The following MIGA1 variants were observed in gnomAD, a reference collection of about 807,000 sequenced individuals.
MIGA1 encodes the protein family with sequence similarity 73, member A.
A neutral mutation model predicts 82.0 loss-of-function variants in MIGA1; 58 were observed. The observed-to-expected ratio is 0.71, with a 90% confidence interval of 0.57 to 0.88. The LOEUF (loss-of-function observed/expected upper bound fraction) is 0.88. Among genes scored for constraint, MIGA1 ranks in the 40% least tolerant of loss-of-function variants. The probability of loss-of-function intolerance (pLI) is 0.00; values close to 1 mark genes in which losing one functional copy is unlikely to be tolerated. For missense variants in MIGA1, 751 were observed against 749.1 expected (o/e 1.00, Z -0.03); for synonymous variants, 249 against 253.6 (o/e 0.98, Z 0.17).
chr1:77,802,363 A>G (rs74090701), intron 3 of MIGA1, among the ~76,000 whole-genome samples: 6,017 of 152,276 alleles, frequency 0.04, 269 homozygotes, highest in African/African-American at 0.11. Flanking sequence ...TAGTCTTGTT[A>G]TTGTTTCTAT....
At chr1:77,816,071 G>A (rs1476327379) in intron 7 of MIGA1, among the ~76,000 whole-genome samples, 4 of 152,154 alleles carry the variant, frequency 2.6e-5, no homozygotes, top group Non-Finnish European at 5.9e-5. Context: ...AGCTTCCTGA[G>A]TAGCTGGGAT....
At chr1:77,839,088 T>A (rs918516352) in intron 7 of MIGA1, among the ~76,000 whole-genome samples, 1 of 152,176 alleles carries the variant, frequency 6.6e-6, no homozygotes. Context: ...CACCCACGGG[T>A]AGAATTGCTA....
intron 2 of MIGA1, among the ~76,000 whole-genome samples, chr1:77,796,335 G>A (rs1339849104): frequency 6.6e-6 from 1 of 151,822 alleles, no homozygotes; most frequent in African/African-American, 2.4e-5. Context: ...AGCCAGGATG[G>A]TCTCGATCTC....
At chr1:77,841,790 CCTTTTCTTTTTTCTTT>C (rs1371702793) in intron 7 of MIGA1, among the ~76,000 whole-genome samples, 1 of 150,016 alleles carries the variant, frequency 6.7e-6, no homozygotes, top group Admixed American at 6.7e-5. Context: ...TCTCTTTCTT[CCTTTTCTTTTTTCTTT>C]CTTTTTTTTT....
In MIGA1 at chr1:77,788,233, C is replaced by G. The variant is rs149361170; in HGVS notation, c.195+4882C>G. On this transcript the variant is annotated intron_variant, in intron 2 of 15. Transcript: ENST00000370791. ...GGCCAGGCTGGTCTTGAACTCCTGA[C>G]GTCAAGTGATCCGCCTGCCTTGGCC... Among the ~76,000 whole-genome samples, 874 of 152,262 alleles carry G rather than the reference C, an allele frequency of 5.7e-3. 13 individuals carry two copies. The highest frequency in any genetic ancestry group is 0.02 in the African/African-American group (825 of 41,554).
intron 5 of MIGA1, chr1:77,811,715 C>G (rs1273590565): frequency 5.0e-6 from 8 of 1,611,806 alleles, no homozygotes; most frequent in Non-Finnish European, 6.8e-6. Flanking sequence ...CCCCAAGAGT[C>G]GAAGTCGGCG....
At chr1:77,861,077 A>G in intron 11 of MIGA1, 147 bp from the exon 12 acceptor site, 1 of 565,606 alleles carries the variant, frequency 1.8e-6, no homozygotes, top group Non-Finnish European at 3.1e-6. Flanking sequence ...CAAAGTAGTA[A>G]ACCAGATAAA....
At chr1:77,849,800 A>T (rs1279207196) in intron 8 of MIGA1, among the ~76,000 whole-genome samples, 2 of 151,940 alleles carry the variant, frequency 1.3e-5, no homozygotes, top group African/African-American at 4.8e-5. Context: ...ACTTTGGGAG[A>T]CCGAGATGGG....
At chr1:77,844,100 TAA>T (rs140327554) in intron 8 of MIGA1, among the ~76,000 whole-genome samples, 8,953 of 68,408 alleles carry the variant, frequency 0.13, 569 homozygotes, top group Admixed American at 0.22. Context: ...GACCCTGTCT[TAA>T]AAAAAAAAAA....
At chr1:77,839,133 T>A (rs1475058069) in intron 7 of MIGA1, among the ~76,000 whole-genome samples, 1 of 152,100 alleles carries the variant, frequency 6.6e-6, no homozygotes, top group East Asian at 1.9e-4. Flanking sequence ...CTTTCATAGG[T>A]AATGCCAAAC....
rs185036494 is a variant in MIGA1 at position 77,817,803 on chromosome 1, T to C, written c.895+2572T>C. 1.6e-4 allele frequency among the ~76,000 whole-genome samples: 24 copies of C among 152,290 alleles called. No individual in the cohort carries two copies. In the East Asian group the frequency reaches 4.6e-3, roughly 29 times the overall value. On this transcript the variant is annotated intron_variant, in intron 7 of 15. Transcript: ENST00000370791. ...AGTTAATAGTCATAAATTAAGATAGTGTAACAAATGCCTTCAGAGGCTCGG... is the reference window on the plus strand; with the variant it reads ...AGTTAATAGTCATAAATTAAGATAGCGTAACAAATGCCTTCAGAGGCTCGG...
intron 8 of MIGA1, among the ~76,000 whole-genome samples, chr1:77,855,474 CT>C (rs1685214156): frequency 6.6e-6 from 1 of 152,004 alleles, no homozygotes; most frequent in Non-Finnish European, 1.5e-5. Context: ...TTGTAGATTG[CT>C]TTTGGCAGTA....
At chr1:77,802,184 G>T (rs1293952812) in intron 3 of MIGA1, among the ~76,000 whole-genome samples, 1 of 152,148 alleles carries the variant, frequency 6.6e-6, no homozygotes, top group Non-Finnish European at 1.5e-5. Context: ...ATGCTTTTGT[G>T]AGTCATCTGT....
At chr1:77,814,003 G>A (rs374061342) in intron 6 of MIGA1, 136 bp downstream of exon 6, 13 of 825,256 alleles carry the variant, frequency 1.6e-5, no homozygotes, top group Non-Finnish European at 1.9e-5. Context: ...CGATCTTCCC[G>A]CCTTGTCCTC....
In MIGA1 at chr1:77,806,947, A is replaced by G. The variant is rs548780151; in HGVS notation, c.511-28A>G. ...AACATACTATCATGAGAGAGATTTG[A>G]AGTAACTTCTATCCATCTTAATTTT... On this transcript the variant is annotated intron_variant, in intron 4 of 15. Transcript: ENST00000370791. 34 of 1,565,716 alleles carry G rather than the reference A, an allele frequency of 2.2e-5. No individual in the cohort carries two copies. The East Asian group carries it at 3.6e-4, about 17-fold the overall frequency.
chr1:77,794,459 C>T (rs983943139), intron 2 of MIGA1, among the ~76,000 whole-genome samples: 1 of 152,130 alleles, frequency 6.6e-6, no homozygotes, highest in Non-Finnish European at 1.5e-5. Context: ...TGCAGAATGT[C>T]CCTCAGTTGA....
intron 7 of MIGA1, among the ~76,000 whole-genome samples, chr1:77,826,009 CAT>C (rs1323676201): frequency 6.6e-6 from 1 of 152,124 alleles, no homozygotes; most frequent in Non-Finnish European, 1.5e-5. Context: ...GATTACATAA[CAT>C]ATTTAGCATA....
intron 14 of MIGA1, among the ~76,000 whole-genome samples, chr1:77,870,247 C>T (rs1266686044): frequency 2.7e-4 from 34 of 125,698 alleles, no homozygotes; most frequent in Admixed American, 6.8e-4. Flanking sequence ...CCCTCCCGGT[C>T]GGGGTGGCTG....
intron 11 of MIGA1, 53 bp downstream of exon 11, chr1:77,860,179 C>A: frequency 1.6e-6 from 2 of 1,282,242 alleles, no homozygotes; most frequent in South Asian, 1.3e-5. Flanking sequence ...TTGTTTTTAC[C>A]CTTTGAACTG....
Sources: allele counts gnomAD v4.1 joint callset (sites outside exome capture counted in the v4.1 genomes callset), GRCh38; gene constraint gnomAD v4.1.1; transcripts MANE v1.5; gene names NCBI Gene and HGNC (gene_info 2026-07-23, HGNC 2026-07-21).